Variants in PHF24 observed in about 807,000 individuals in gnomAD.
PHF24 encodes Galpha inhibitory interacting protein.
Under a neutral mutation model 42.6 loss-of-function variants are expected in PHF24, and 25 were observed. The observed-to-expected ratio is 0.59, with a 90% CI of 0.43 to 0.82. PHF24 has a LOEUF of 0.82. PHF24 is among the 40% of genes least tolerant of loss of function. The pLI is 0.00. For synonymous variants in PHF24, 185 were observed against 204.8 expected (o/e 0.90, Z 0.83); for missense variants, 470 against 538.1 (o/e 0.87, Z 1.25).
At chr9:34,748,209 G>A in the PHF24 span, among the ~76,000 whole-genome samples, 1 of 152,240 alleles carries the variant, frequency 6.6e-6, no homozygotes, top group South Asian at 2.1e-4. Flanking sequence ...TGGTCCCTTT[G>A]TGCTAATTCA....
chr9:34,690,751 T>A, the PHF24 span, among the ~76,000 whole-genome samples: 1 of 152,026 alleles, frequency 6.6e-6, no homozygotes, highest in African/African-American at 2.4e-5. Flanking sequence ...TTTTTGAATA[T>A]CAGCCTTGGC....
chr9:34,764,496 G>T, the PHF24 span, among the ~76,000 whole-genome samples: 1 of 149,644 alleles, frequency 6.7e-6, no homozygotes, highest in Non-Finnish European at 1.5e-5. Context: ...AGAGGTGTTT[G>T]TAGTATTCTC....
the PHF24 span, among the ~76,000 whole-genome samples, chr9:34,675,010 C>G: frequency 2.6e-5 from 4 of 152,114 alleles, no homozygotes; most frequent in Admixed American, 2.0e-4. Context: ...GTGCGTGCCA[C>G]TACACCCCAC....
At chr9:34,833,198 C>T in the PHF24 span, 2 of 1,533,738 alleles carry the variant, frequency 1.3e-6, no homozygotes, top group Admixed American at 2.0e-5. Context: ...TGGGTCCTTG[C>T]TCTTGCTAGG....
chr9:34,678,633 CT>C, the PHF24 span, among the ~76,000 whole-genome samples: 1 of 151,136 alleles, frequency 6.6e-6, no homozygotes, highest in Admixed American at 6.6e-5. Context: ...CTGGCTCTTT[CT>C]TTTTCTTTTT....
chr9:34,801,246 C>G, the PHF24 span, among the ~76,000 whole-genome samples: 47,209 of 152,052 alleles, frequency 0.31, 7,887 homozygotes, highest in East Asian at 0.56. Flanking sequence ...GGCAATTCCT[C>G]AAGGATCTAG....
the PHF24 span, chr9:34,728,075 T>C: frequency 6.4e-7 from 1 of 1,551,916 alleles, no homozygotes. Context: ...CCCGGGAACG[T>C]CTCCTAGCTG....
chr9:34,887,230 T>C, the PHF24 span, among the ~76,000 whole-genome samples: 1 of 152,180 alleles, frequency 6.6e-6, no homozygotes, highest in African/African-American at 2.4e-5. Context: ...CTGCTATAAT[T>C]ACCGGAGTAA....
chr9:34,824,337 A>T, the PHF24 span, among the ~76,000 whole-genome samples: 1 of 152,200 alleles, frequency 6.6e-6, no homozygotes, highest in Non-Finnish European at 1.5e-5. Flanking sequence ...AGATCTCCTG[A>T]GCTCCTGGGG....
exon 8 of PHF24, chr9:34,982,352 T>G (rs979660826): frequency 2.0e-5 from 3 of 152,222 alleles, no homozygotes; most frequent in African/African-American, 7.2e-5. Flanking sequence ...CTCTGGTCCC[T>G]CATGCCCTTC....
the PHF24 span, chr9:34,832,567 T>C: frequency 6.5e-7 from 1 of 1,542,128 alleles, no homozygotes; most frequent in South Asian, 1.2e-5. Flanking sequence ...TTTTCTTTTC[T>C]GGTTTTGGCC....
chr9:34,709,384 G>A, the PHF24 span: 5 of 1,605,730 alleles, frequency 3.1e-6, no homozygotes, highest in Admixed American at 8.8e-5. Context: ...GCTCCAGGCT[G>A]CTCACTGGGC....
the PHF24 span, among the ~76,000 whole-genome samples, chr9:34,754,662 A>G: frequency 3.9e-5 from 6 of 152,178 alleles, no homozygotes; most frequent in African/African-American, 7.2e-5. Flanking sequence ...CCAAAAAACT[A>G]AAAATAGAAC....
the PHF24 span, among the ~76,000 whole-genome samples, chr9:34,809,933 G>GGGGCGCC: frequency 5.3e-5 from 8 of 151,036 alleles, no homozygotes; most frequent in Non-Finnish European, 1.2e-4. The surrounding 1 kb of genome is among the most constrained non-coding windows in gnomAD (Gnocchi z 4.1). Flanking sequence ...CTCGGGGCGC[G>GGGGCGCC]GGGGCGCGGG....
At chr9:34,765,401 A>G in the PHF24 span, among the ~76,000 whole-genome samples, 69 of 150,436 alleles carry the variant, frequency 4.6e-4, no homozygotes, top group African/African-American at 1.6e-3. Context: ...GGGTGCCTAT[A>G]TATTTAGGAT....
the PHF24 span, among the ~76,000 whole-genome samples, chr9:34,913,635 T>G: frequency 1.3e-5 from 2 of 152,194 alleles, no homozygotes; most frequent in Non-Finnish European, 2.9e-5. Flanking sequence ...TAAAGCAGGG[T>G]TCAGCAAACC....
chr9:34,887,723 T>G, the PHF24 span, among the ~76,000 whole-genome samples: 7 of 152,196 alleles, frequency 4.6e-5, no homozygotes, highest in Non-Finnish European at 2.9e-5. Context: ...TTACCCTGAT[T>G]TTTTTGCATA....
At chr9:34,869,524 C>T in the PHF24 span, among the ~76,000 whole-genome samples, 3 of 151,942 alleles carry the variant, frequency 2.0e-5, no homozygotes, top group South Asian at 4.1e-4. Flanking sequence ...AGCTTTTTTT[C>T]ATGTTTCTTG....
chr9:34,818,892 C>T, the PHF24 span, among the ~76,000 whole-genome samples: 3 of 152,046 alleles, frequency 2.0e-5, no homozygotes, highest in Admixed American at 1.3e-4. Context: ...AGTAGTCTTC[C>T]TTCAGTGTTT....
Sources: allele counts gnomAD v4.1 joint callset (sites outside exome capture counted in the v4.1 genomes callset), GRCh38; gene constraint gnomAD v4.1.1; non-coding constraint Gnocchi (gnomAD v3.1); transcripts MANE v1.5; gene names NCBI Gene and HGNC (gene_info 2026-07-23, HGNC 2026-07-21).